The following AMMECR1 variants were observed in gnomAD, a reference collection of about 807,000 sequenced individuals.
AMMECR1 encodes nuclear protein AMMECR1.
In AMMECR1, 3 loss-of-function variants were observed where a neutral mutation model predicts 22.5. The observed-to-expected ratio is 0.13, with a 90% CI of 0.06 to 0.35. AMMECR1 has a LOEUF of 0.35. Among genes scored for constraint, AMMECR1 ranks in the 10% least tolerant of loss-of-function variants. The pLI is 1.00. For synonymous variants in AMMECR1, 130 were observed against 116.7 expected, an observed-to-expected ratio of 1.11 and a Z score of -0.74; for missense variants, 235 against 278.7, an observed-to-expected ratio of 0.84 and a Z score of 1.12.
chrX:110,200,452 G>T (rs1341152310), intron 5 of AMMECR1, among the ~76,000 whole-genome samples: 3 of 111,935 alleles, frequency 2.7e-5, no homozygotes, highest in African/African-American at 9.7e-5. Context: ...AAAATGTACG[G>T]TATTTTCCTT....
intron 2 of AMMECR1, among the ~76,000 whole-genome samples, chrX:110,345,517 T>C (rs970149888): frequency 9.3e-6 from 1 of 107,891 alleles, no homozygotes; most frequent in Non-Finnish European, 1.9e-5. Context: ...TATATATATA[T>C]AAAAAGAAAA....
chrX:110,326,364 T>C (rs930761081), intron 2 of AMMECR1, among the ~76,000 whole-genome samples: 2 of 112,510 alleles, frequency 1.8e-5, no homozygotes, highest in African/African-American at 3.2e-5. Context: ...TGTGACTTTT[T>C]GGCCTATTAG....
chrX:110,278,885 C>T (rs766196676), intron 1 of AMMECR1, among the ~76,000 whole-genome samples: 1 of 111,767 alleles, frequency 8.9e-6, no homozygotes, highest in Admixed American at 9.5e-5. Context: ...CTCTAGAGTT[C>T]CACCCAGTCC....
chrX:110,439,879 C>T (rs1207020741), intron 1 of AMMECR1: 2 of 110,757 alleles, frequency 1.8e-5, no homozygotes, highest in East Asian at 2.8e-4. Context: ...ATGAGTAAGC[C>T]GGGTACTTAC....
chrX:110,367,973 A>ATT (rs537050639), intron 2 of AMMECR1, among the ~76,000 whole-genome samples: 34 of 85,326 alleles, frequency 4.0e-4, no homozygotes, highest in African/African-American at 1.3e-3. Flanking sequence ...AGTGCTGGCT[A>ATT]ATTATTATTA....
intron 1 of AMMECR1, among the ~76,000 whole-genome samples, chrX:110,291,555 A>T (rs1156707452): frequency 9.1e-6 from 1 of 110,234 alleles, no homozygotes; most frequent in African/African-American, 3.3e-5. Flanking sequence ...AATATACAAG[A>T]CCTAAGGTAC....
At chrX:110,391,852 T>C (rs1317679099) in intron 2 of AMMECR1, among the ~76,000 whole-genome samples, 1 of 112,108 alleles carries the variant, frequency 8.9e-6, no homozygotes, top group Non-Finnish European at 1.9e-5. Flanking sequence ...CATCCAGATG[T>C]TTTGGCATCA....
chrX:110,371,080 C>T (rs1025158162), intron 2 of AMMECR1, among the ~76,000 whole-genome samples: 2 of 110,850 alleles, frequency 1.8e-5, no homozygotes, highest in Admixed American at 9.6e-5. Context: ...CTACTTGCCC[C>T]TCAAGATCCA....
intron 2 of AMMECR1, among the ~76,000 whole-genome samples, chrX:110,339,973 TACACACACACACAC>T (rs35459612): frequency 8.8e-4 from 69 of 78,797 alleles, no homozygotes; most frequent in Non-Finnish European, 1.4e-3. Flanking sequence ...AGGCAAAACA[TACACACACACACAC>T]ACACACACAC....
Position 110,257,146 on chromosome X carries a change from C to T in AMMECR1, c.584+7343G>A, listed in dbSNP as rs73250293. Among the ~76,000 whole-genome samples the T allele has an allele frequency of 7.4e-3, 827 of 111,696 alleles. 5 individuals carry two copies. The highest frequency in any genetic ancestry group is 0.013 in the Non-Finnish European group (682 of 52,947). On this transcript the variant is annotated intron_variant, in intron 2 of 5. Coordinates refer to ENST00000262844, the MANE Select transcript of AMMECR1 (RefSeq NM_015365.3). ...CTATAGTATAATTTTAGGCCACATC[C>T]AATGTAATAATTTCATACAATATTT...
rs755222337 is a variant in AMMECR1, at chrX:110,196,714, G to A, written c.*1806C>T. ...TATTTCAACAATGGATGCTGTGGATGAAGGAATACCAACAAACTTCTAAGA... is the reference window on the plus strand; with the variant it reads ...TATTTCAACAATGGATGCTGTGGATAAAGGAATACCAACAAACTTCTAAGA... On this transcript the variant is annotated 3_prime_UTR_variant, in exon 6 of 6. Coordinates refer to ENST00000262844, the MANE Select transcript of AMMECR1 (RefSeq NM_015365.3). 10 of 111,929 alleles carry A rather than the reference G, an allele frequency of 8.9e-5. No individual in the cohort carries two copies. The highest frequency in any genetic ancestry group is 1.9e-4 in the African/African-American group (6 of 30,889). 9.2% of individuals were successfully genotyped at this position (111,929 alleles called of 1,213,427 possible). A position where few individuals can be genotyped will look rare whatever the true frequency, so the allele number is the denominator to read the frequency against.
At chrX:110,439,200 G>A (rs1227738415) in intron 1 of AMMECR1, among the ~76,000 whole-genome samples, 1 of 111,965 alleles carries the variant, frequency 8.9e-6, no homozygotes, top group African/African-American at 3.2e-5. Flanking sequence ...TTCAGGGACT[G>A]ACAAGCCGGC....
At chrX:110,240,689 T>C (rs1245544271) in intron 2 of AMMECR1, among the ~76,000 whole-genome samples, 1 of 111,340 alleles carries the variant, frequency 9.0e-6, no homozygotes, top group Non-Finnish European at 1.9e-5. Context: ...TTAACAGAGA[T>C]ATTCAGGACT....
chrX:110,269,562 T>C (rs2067788221), intron 1 of AMMECR1, among the ~76,000 whole-genome samples: 1 of 110,450 alleles, frequency 9.1e-6, no homozygotes, highest in Non-Finnish European at 1.9e-5. Flanking sequence ...AGAAGCCCTG[T>C]AACTTGTTCT....
Position 110,198,037 on chromosome X carries a change from A to G in AMMECR1, c.*483T>C, listed in dbSNP as rs1250414208. The stretch of plus-strand genomic sequence containing the variant: ...TGAATTAATCCCAAACTCAGGTATC[A>G]AAAAACAACTATCTTACTGAGGAAA... On this transcript the variant is annotated 3_prime_UTR_variant, in exon 6 of 6. Transcript: ENST00000262844. 1.8e-5 allele frequency: 2 copies of G among 111,784 alleles called. No homozygotes were observed. Among genetic ancestry groups the G allele is most frequent in the Non-Finnish European group, 3.8e-5 (2 of 53,208 alleles). 9.2% of individuals were successfully genotyped at this position (111,784 alleles called of 1,213,427 possible). A position where few individuals can be genotyped will look rare whatever the true frequency, so the allele number is the denominator to read the frequency against.
intron 2 of AMMECR1, among the ~76,000 whole-genome samples, chrX:110,244,495 G>A (rs1244688772): frequency 9.0e-6 from 1 of 111,579 alleles, no homozygotes; most frequent in African/African-American, 3.3e-5. Flanking sequence ...ATAGAGGTTC[G>A]GCTTACATGT....
At chrX:110,433,270 G>T (rs927291745) in intron 1 of AMMECR1, among the ~76,000 whole-genome samples, 3 of 112,548 alleles carry the variant, frequency 2.7e-5, no homozygotes, top group African/African-American at 9.7e-5. Flanking sequence ...GTAGTGCATA[G>T]CCCGTATCCT....
intron 1 of AMMECR1, among the ~76,000 whole-genome samples, chrX:110,306,247 T>A (rs2067994333): frequency 9.1e-6 from 1 of 109,756 alleles, no homozygotes; most frequent in Admixed American, 9.7e-5. Context: ...TGAGCCAAGA[T>A]CACGCCACTG....
At chrX:110,272,637 G>A (rs776881080) in intron 1 of AMMECR1, among the ~76,000 whole-genome samples, 1 of 111,630 alleles carries the variant, frequency 9.0e-6, no homozygotes, top group African/African-American at 3.3e-5. Flanking sequence ...AACTGGATAG[G>A]TAATTTTTCA....
Sources: allele counts gnomAD v4.1 joint callset (sites outside exome capture counted in the v4.1 genomes callset), GRCh38; gene constraint gnomAD v4.1.1; transcripts MANE v1.5; gene names NCBI Gene and HGNC (gene_info 2026-07-23, HGNC 2026-07-21).